The following TTC28 variants were observed in gnomAD, a reference collection of about 807,000 sequenced individuals.
The protein encoded by TTC28 is tetratricopeptide repeat domain 28, also known as tetratricopeptide repeat protein 28.
A neutral mutation model predicts 198.0 loss-of-function variants in TTC28; 61 were observed. The ratio of observed to expected loss-of-function variants is 0.31; its 90% CI spans 0.25 to 0.38. The LOEUF is 0.38. Ranked by LOEUF, TTC28 falls within the 10% of genes least tolerant of loss-of-function variation. The pLI is 1.00. For synonymous variants in TTC28, 1,171 were observed against 1,297.8 expected (o/e 0.90, Z 2.10); for missense variants, 2,678 against 3,164.0 (o/e 0.85, Z 3.69).
intron 8 of TTC28, among the ~76,000 whole-genome samples, chr22:28,104,517 A>G (rs1942242179): frequency 6.6e-6 from 1 of 152,174 alleles, no homozygotes. Flanking sequence ...AGAGGATCCA[A>G]TATGCCTGTG....
rs1240735687 is a variant in TTC28, at chr22:28,586,993, G to A, written c.381+42559C>T. 2.6e-5 allele frequency among the ~76,000 whole-genome samples: 4 copies of A among 152,220 alleles called. No homozygotes were observed. The East Asian group carries it at 7.7e-4, about 29-fold the overall frequency. On this transcript the variant is annotated intron_variant, in intron 2 of 22. Coordinates refer to ENST00000397906, the MANE Select transcript of TTC28 (RefSeq NM_001145418.2). Reference sequence around the variant, plus strand: ...TCTCAGCACTTTGGGAGGCCAAGGCGGGCAGATCACTTGAGGCCAGGAGTT... The same window carrying A: ...TCTCAGCACTTTGGGAGGCCAAGGCAGGCAGATCACTTGAGGCCAGGAGTT...
At position 27,998,814 on chromosome 22, in the gene TTC28, C is replaced by G; in HGVS notation, c.4845G>C (p.Gln1615His). 1 of 1,550,572 alleles carries G rather than the reference C, an allele frequency of 6.4e-7. No individual in the cohort carries two copies. Among genetic ancestry groups the G allele is most frequent in the Non-Finnish European group, 8.7e-7 (1 of 1,147,002 alleles). Reference protein sequence around the residue: ...LLTAADVLDLQLPVKLVVLGS... With the variant: ...LLTAADVLDLHLPVKLVVLGS... ...CAAGCACCACCAGCTTCACAGGCAG[C>G]TGCAGGTCCAGGACGTCGGCGGCAG... The change falls in exon 16 of 23, where the codon CAG becomes CAC. Residue 1615 changes from glutamine to histidine, a missense_variant. This residue lies in a region of TTC28 where 727 missense variants were observed against 861.9 expected (regional missense o/e 0.84). Coordinates refer to ENST00000397906, the MANE Select transcript of TTC28 (RefSeq NM_001145418.2).
intron 5 of TTC28, among the ~76,000 whole-genome samples, chr22:28,286,085 C>T (rs1320537616): frequency 2.0e-5 from 3 of 151,808 alleles, no homozygotes; most frequent in Non-Finnish European, 2.9e-5. Flanking sequence ...CCACAAGCTC[C>T]GCCTCCTGGG....
intron 2 of TTC28, among the ~76,000 whole-genome samples, chr22:28,424,399 C>T (rs959930590): frequency 6.6e-6 from 1 of 152,164 alleles, no homozygotes; most frequent in African/African-American, 2.4e-5. Context: ...AGGTTCTTTT[C>T]TCAGTGTTCT....
intron 12 of TTC28, among the ~76,000 whole-genome samples, chr22:28,038,879 C>G (rs1381979112): frequency 6.6e-6 from 1 of 152,184 alleles, no homozygotes. Context: ...AGACATTTCT[C>G]CAAAGAAGAC....
chr22:28,098,358 T>C (rs1357864791), intron 10 of TTC28, among the ~76,000 whole-genome samples: 1 of 152,164 alleles, frequency 6.6e-6, no homozygotes, highest in African/African-American at 2.4e-5. Context: ...GGAGGGAACC[T>C]GGTTCAAGCA....
At chr22:28,533,137 T>C (rs1278754243) in intron 2 of TTC28, among the ~76,000 whole-genome samples, 1 of 152,214 alleles carries the variant, frequency 6.6e-6, no homozygotes, top group East Asian at 1.9e-4. Flanking sequence ...GTAGATGACA[T>C]GGTTGTATAT....
At chr22:28,244,696 T>C (rs1273313657) in intron 5 of TTC28, among the ~76,000 whole-genome samples, 1 of 152,234 alleles carries the variant, frequency 6.6e-6, no homozygotes, top group Non-Finnish European at 1.5e-5. Context: ...CCAGGGGCTT[T>C]TGATCCATTA....
In TTC28 at chr22:27,983,752, T is replaced by C. The variant is rs997329797; in HGVS notation, c.5915A>G (p.Tyr1972Cys). ...QSVSNALPLG[Y>C]QQPPFSPTGA... is the part of the protein sequence containing the mutation. ...GGTGGGAGAGAAGGGGGGTTGCTGG[T>C]AACCCAAGGGCAGGGCGTTGGAAAC... is the stretch of plus-strand genomic sequence containing the variant. Residue 1972 changes from tyrosine (Y) to cysteine (C), a missense_variant, in exon 23 of 23, where the codon TAC becomes TGC. Tyr to Cys is a radical substitution (Grantham distance 194). Around this residue, in one of 8 missense-constraint regions of TTC28, gnomAD observed 622 missense variants for 656.0 expected, o/e 0.95. Coordinates refer to ENST00000397906, the MANE Select transcript of TTC28 (RefSeq NM_001145418.2). 6 of 1,551,518 alleles carry C rather than the reference T, an allele frequency of 3.9e-6. No homozygotes were observed. In the African/African-American group the frequency reaches 6.8e-5, roughly 18 times the overall value.
intron 12 of TTC28, among the ~76,000 whole-genome samples, chr22:28,093,604 T>C (rs1941879178): frequency 6.6e-6 from 1 of 152,234 alleles, no homozygotes; most frequent in Non-Finnish European, 1.5e-5. Flanking sequence ...CCCTTATCTA[T>C]TCTTCATATT....
At chr22:28,563,314 A>C (rs1422349785) in intron 2 of TTC28, among the ~76,000 whole-genome samples, 1 of 152,196 alleles carries the variant, frequency 6.6e-6, no homozygotes, top group African/African-American at 2.4e-5. Context: ...AACCTGATTG[A>C]CTTGAGGAAA....
chr22:28,246,811 A>G (rs1249089055), intron 5 of TTC28, among the ~76,000 whole-genome samples: 1 of 152,140 alleles, frequency 6.6e-6, no homozygotes, highest in Non-Finnish European at 1.5e-5. Context: ...AAAAAATGTC[A>G]AGAAGAAGGA....
intron 2 of TTC28, among the ~76,000 whole-genome samples, chr22:28,379,886 G>T (rs527366745): frequency 5.3e-5 from 8 of 152,150 alleles, no homozygotes; most frequent in Admixed American, 2.6e-4. Flanking sequence ...ACAAAATCAT[G>T]TATCAGAAGT....
At chr22:28,125,154 T>G (rs1942884519) in intron 6 of TTC28, among the ~76,000 whole-genome samples, 1 of 152,194 alleles carries the variant, frequency 6.6e-6, no homozygotes, top group South Asian at 2.1e-4. Context: ...ACTAATCATT[T>G]GTTTTCCAGA....
intron 6 of TTC28, among the ~76,000 whole-genome samples, chr22:28,152,708 G>A (rs1943638875): frequency 6.6e-6 from 1 of 152,156 alleles, no homozygotes; most frequent in African/African-American, 2.4e-5. Flanking sequence ...ATCATTCTGA[G>A]AATCTCCAAA....
intron 2 of TTC28, among the ~76,000 whole-genome samples, chr22:28,436,597 G>A (rs1309639135): frequency 8.5e-5 from 13 of 152,224 alleles, no homozygotes; most frequent in African/African-American, 2.9e-4. Context: ...AGTGAGCCAT[G>A]TCCAGCTAGA....
chr22:28,054,635 G>A (rs766526170), intron 12 of TTC28, among the ~76,000 whole-genome samples: 10 of 151,928 alleles, frequency 6.6e-5, no homozygotes, highest in Non-Finnish European at 1.3e-4. Context: ...CACAGCCAAC[G>A]CCCTCCCTGT....
rs9613554 is a variant in TTC28, at chr22:27,980,196, G to A, written c.*2025C>T. 6.6e-6 allele frequency: 1 copy of A among 152,160 alleles called. No homozygotes were observed. 9.4% of individuals were successfully genotyped at this position (152,160 alleles called of 1,614,324 possible). On this transcript the variant is annotated 3_prime_UTR_variant, in exon 23 of 23. Transcript: ENST00000397906. ...TCTGCATATGGATTTAGAAACTTGAGGTTTACTTTTCATTGTTAAGAACCT... is the reference window on the plus strand; with the variant it reads ...TCTGCATATGGATTTAGAAACTTGAAGTTTACTTTTCATTGTTAAGAACCT...
At chr22:28,346,686 T>G (rs971134156) in intron 2 of TTC28, among the ~76,000 whole-genome samples, 1 of 152,168 alleles carries the variant, frequency 6.6e-6, no homozygotes, top group African/African-American at 2.4e-5. Flanking sequence ...TTAATAGATC[T>G]CCAATCTCTG....
Sources: allele counts gnomAD v4.1 joint callset (sites outside exome capture counted in the v4.1 genomes callset), GRCh38; gene constraint gnomAD v4.1.1; regional missense constraint gnomAD v4.1.1; transcripts MANE v1.5; gene names NCBI Gene and HGNC (gene_info 2026-07-23, HGNC 2026-07-21).